Variants in CLASP2 observed in about 807,000 individuals in gnomAD.
CLASP2 encodes CLIP-associating protein 2.
CLASP2 carries 47 observed loss-of-function variants against 194.4 expected under a neutral mutation model. The observed-to-expected ratio is 0.24, with a 90% CI of 0.19 to 0.31. CLASP2 has a LOEUF of 0.31. Among genes scored for constraint, CLASP2 ranks in the 10% least tolerant of loss-of-function variants. The pLI is 1.00. For missense variants in CLASP2, 1,445 were observed against 1,823.6 expected (o/e 0.79, Z 3.78); for synonymous variants, 619 against 633.5 (o/e 0.98, Z 0.34).
At chr3:33,713,837 T>C (rs1005158025) in intron 1 of CLASP2, among the ~76,000 whole-genome samples, 2 of 152,166 alleles carry the variant, frequency 1.3e-5, no homozygotes, top group Non-Finnish European at 2.9e-5. Context: ...TTTTCTCCAT[T>C]TTTTAACGTC....
intron 34 of CLASP2, among the ~76,000 whole-genome samples, chr3:33,529,144 T>G (rs1303985298): frequency 6.6e-6 from 1 of 152,046 alleles, no homozygotes; most frequent in Non-Finnish European, 1.5e-5. Context: ...ACAATGAGAA[T>G]TACAAAACAC....
At chr3:33,669,436 T>C (rs975086454) in intron 6 of CLASP2, among the ~76,000 whole-genome samples, 5 of 152,058 alleles carry the variant, frequency 3.3e-5, no homozygotes, top group Admixed American at 6.5e-5. Flanking sequence ...ATTAAGAACT[T>C]ATGTACATCA....
chr3:33,670,513 C>G (rs2086965065), intron 6 of CLASP2, among the ~76,000 whole-genome samples: 1 of 152,142 alleles, frequency 6.6e-6, no homozygotes. Flanking sequence ...GCCCTAACAA[C>G]AAGTAAAAAG....
At chr3:33,595,146 G>T (rs1030321849) in intron 19 of CLASP2, among the ~76,000 whole-genome samples, 178 bp from the exon 20 acceptor site, 1 of 151,964 alleles carries the variant, frequency 6.6e-6, no homozygotes, top group African/African-American at 2.4e-5. Flanking sequence ...AAAATTTGAG[G>T]TAATCCAATG....
At chr3:33,553,888 G>T (rs2060460876) in intron 29 of CLASP2, among the ~76,000 whole-genome samples, 1 of 152,134 alleles carries the variant, frequency 6.6e-6, no homozygotes, top group Non-Finnish European at 1.5e-5. Flanking sequence ...ACGTGGAAGT[G>T]ACATCTGCAC....
rs773276246 is a variant in CLASP2, at chr3:33,696,881, G to A, written c.248C>T (p.Thr83Ile). 8 of 1,595,138 alleles carry A rather than the reference G, an allele frequency of 5.0e-6. No individual in the cohort carries two copies. The Admixed American group carries it at 1.2e-4, about 24-fold the overall frequency. Reference sequence around the variant, plus strand: ...CATTGCTACATAGGATTTAAAGCGTGTTGATAATCTGTCCACAAAGGCACT... The same window carrying A: ...CATTGCTACATAGGATTTAAAGCGTATTGATAATCTGTCCACAAAGGCACT... ...ILSAFVDRLS[T>I]RFKSYVAMVI... is the part of the protein sequence containing the mutation. Residue 83 changes from threonine to isoleucine, a missense_variant, in exon 2 of 39, where the codon ACA becomes ATA. Around this residue, in one of 4 missense-constraint regions of CLASP2, gnomAD observed 332 missense variants for 325.3 expected, o/e 1.02. Coordinates refer to ENST00000682230, the MANE Select transcript of CLASP2 (RefSeq NM_001365631.1).
chr3:33,685,485 T>G (rs2090543035), intron 5 of CLASP2, among the ~76,000 whole-genome samples: 1 of 151,908 alleles, frequency 6.6e-6, no homozygotes, highest in African/African-American at 2.4e-5. Flanking sequence ...TGGCCTGAAC[T>G]CAAACAGATA....
intron 7 of CLASP2, among the ~76,000 whole-genome samples, chr3:33,647,542 T>C (rs1034779597): frequency 5.3e-5 from 8 of 152,226 alleles, no homozygotes; most frequent in Non-Finnish European, 8.8e-5. Context: ...TTAGGCTTTG[T>C]AAACCATACA....
chr3:33,541,251 TC>T (rs1418182326), intron 32 of CLASP2, among the ~76,000 whole-genome samples: 1 of 152,048 alleles, frequency 6.6e-6, no homozygotes, highest in African/African-American at 2.4e-5. Context: ...TAAATGCCCA[TC>T]AGTGATAGAC....
At position 33,543,461 on chromosome 3, in the gene CLASP2, T is replaced by G; in HGVS notation, c.3376A>C (p.Asn1126His). 6.2e-7 allele frequency: 1 copy of G among 1,608,910 alleles called. No homozygotes were observed. Among genetic ancestry groups the G allele is most frequent in the East Asian group, 2.2e-5 (1 of 44,854 alleles). Reference sequence around the variant, plus strand: ...GGAGATAAAGTATTCTGTGATGTATTGGTAGGAGAAGTAAGAGGACTGGAC... The same window carrying G: ...GGAGATAAAGTATTCTGTGATGTATGGGTAGGAGAAGTAAGAGGACTGGAC... ...NWSSPLTSPT[N>H]TSQNTLSPSA... The change falls in exon 32 of 39, where the codon AAT becomes CAT. Residue 1126 changes from asparagine to histidine, a missense_variant. By Grantham distance (68) the Asn-to-His change is moderately conservative. Coordinates refer to ENST00000682230, the MANE Select transcript of CLASP2 (RefSeq NM_001365631.1).
chr3:33,633,127 G>C (rs2079410677), intron 8 of CLASP2, among the ~76,000 whole-genome samples: 1 of 152,062 alleles, frequency 6.6e-6, no homozygotes, highest in Admixed American at 6.6e-5. Context: ...CTCATTCCAG[G>C]AGCAGCACCT....
At chr3:33,584,709 AG>A in intron 22 of CLASP2, 40 bp downstream of exon 22, 4 of 1,443,938 alleles carry the variant, frequency 2.8e-6, no homozygotes, top group South Asian at 2.9e-5. Flanking sequence ...AAAAAAAAAA[AG>A]GGTTACATGT....
chr3:33,593,138 T>C (rs1259660335), intron 20 of CLASP2, among the ~76,000 whole-genome samples: 2 of 152,208 alleles, frequency 1.3e-5, no homozygotes, highest in African/African-American at 4.8e-5. Context: ...TGCACTCCTT[T>C]CTATTCTACC....
At chr3:33,587,133 CT>C (rs768755238) in intron 21 of CLASP2, among the ~76,000 whole-genome samples, 10 of 148,034 alleles carry the variant, frequency 6.8e-5, no homozygotes, top group Admixed American at 1.3e-4. Context: ...TTTTTTCTTT[CT>C]TTTTTTTTTG....
At chr3:33,690,558 T>C (rs576422659) in intron 2 of CLASP2, among the ~76,000 whole-genome samples, 187 of 152,336 alleles carry the variant, frequency 1.2e-3, no homozygotes, top group African/African-American at 4.5e-3. Flanking sequence ...GCCTTGTTTC[T>C]CTTTTGATAT....
chr3:33,602,735 T>C, intron 18 of CLASP2: 1 of 678,644 alleles, frequency 1.5e-6, no homozygotes. Flanking sequence ...GATTCAAGAA[T>C]TGTTTCTTTG....
At chr3:33,613,716 A>G (rs1168392689) in intron 12 of CLASP2, among the ~76,000 whole-genome samples, 2 of 152,236 alleles carry the variant, frequency 1.3e-5, no homozygotes, top group African/African-American at 4.8e-5. Flanking sequence ...TCCCTACAGC[A>G]TTCACAAGAG....
At chr3:33,597,015 G>A (rs1197844079) in intron 18 of CLASP2, among the ~76,000 whole-genome samples, 1 of 152,120 alleles carries the variant, frequency 6.6e-6, no homozygotes, top group Non-Finnish European at 1.5e-5. Flanking sequence ...CCCAGCTTTG[G>A]ACTTTGCCAT....
chr3:33,560,756 G>A (rs1319422934), intron 28 of CLASP2, 52 bp downstream of exon 28: 1 of 1,489,390 alleles, frequency 6.7e-7, no homozygotes, highest in Admixed American at 1.7e-5. Context: ...ACAGGGGTTA[G>A]ATATTCCTAG....
Sources: gnomAD v4.1 joint callset for allele counts (sites outside exome capture counted in the v4.1 genomes callset) on GRCh38, gnomAD v4.1.1 for gene constraint, gnomAD v4.1.1 regional missense constraint, MANE v1.5 for transcripts, NCBI Gene and HGNC (gene_info 2026-07-23, HGNC 2026-07-21) for gene names.